Variants in CHRNA4 observed in about 807,000 individuals in gnomAD.
CHRNA4 encodes neuronal acetylcholine receptor subunit alpha-4.
Under a neutral mutation model 48.9 loss-of-function variants are expected in CHRNA4, and 28 were observed. That is an observed-to-expected ratio of 0.57 (90% CI 0.42 to 0.79). CHRNA4 has a LOEUF of 0.79. Among genes scored for constraint, CHRNA4 ranks in the 30% least tolerant of loss-of-function variants. The pLI is 0.00. For missense variants in CHRNA4, 859 were observed against 898.4 expected (o/e 0.96, Z 0.56); for synonymous variants, 425 against 402.3 (o/e 1.06, Z -0.68).
chr20:63,361,310 GGTGCGGCGGC>G lies in CHRNA4; in HGVS notation c.-155_-146del. On this transcript the variant is annotated 5_prime_UTR_variant, in exon 1 of 6. Transcript: ENST00000370263. ...CGGTTCGTCTTCTCCTGTGGGGCGC[GGTGCGGCGGC>G]GGCGCGGCAGGGAGCGCCGGGCTGT... is the stretch of plus-strand genomic sequence containing the variant. 1 of 1,227,316 alleles carries G rather than the reference GGTGCGGCGGC, an allele frequency of 8.1e-7. No homozygotes were observed. Among genetic ancestry groups the G allele is most frequent in the Non-Finnish European group, 1.0e-6 (1 of 986,816 alleles). 76.0% of individuals were successfully genotyped at this position (1,227,316 alleles called of 1,614,324 possible).
In CHRNA4 at chr20:63,346,839, C is replaced by G; in HGVS notation, c.1783G>C (p.Ala595Pro). 3.1e-6 allele frequency: 5 copies of G among 1,612,604 alleles called. No individual in the cohort carries two copies. The highest frequency in any genetic ancestry group is 4.2e-6 in the Non-Finnish European group (5 of 1,179,640). The stretch of plus-strand genomic sequence containing the variant: ...AGGAAGATGCGGTCGATGACCATGG[C>G]CACGTACTTCCAGTCCTCCTTCACC... Reference protein sequence around the residue: ...FSVKEDWKYVAMVIDRIFLWM... With the variant: ...FSVKEDWKYVPMVIDRIFLWM... Residue 595 changes from alanine to proline, a missense_variant, in exon 6 of 6, where the codon GCC (alanine) becomes CCC (proline). By Grantham distance (27) the Ala-to-Pro change is conservative. Around this residue, in one of 3 missense-constraint regions of CHRNA4, gnomAD observed 478 missense variants for 455.4 expected, o/e 1.05. Coordinates refer to ENST00000370263, the MANE Select transcript of CHRNA4 (RefSeq NM_000744.7).
In CHRNA4 at chr20:63,346,580, C is replaced by T. The variant is rs745664670; in HGVS notation, c.*158G>A. The T allele has an allele frequency of 1.7e-5, 18 of 1,069,712 alleles. No homozygotes were observed. In the South Asian group the frequency reaches 2.4e-4, roughly 14 times the overall value. 66.3% of individuals were successfully genotyped at this position (1,069,712 alleles called of 1,614,324 possible). A position where few individuals can be genotyped will look rare whatever the true frequency, so the allele number is the denominator to read the frequency against. The stretch of plus-strand genomic sequence containing the variant: ...GTCTCCCCAGAGGCCGTGTCCCCGT[C>T]CAAGGCCGTCTTACAGCAGACACAG... On this transcript the variant is annotated 3_prime_UTR_variant, in exon 6 of 6. Coordinates refer to ENST00000370263, the MANE Select transcript of CHRNA4 (RefSeq NM_000744.7).
intron 5 of CHRNA4, among the ~76,000 whole-genome samples, chr20:63,347,452 T>G (rs929424182): frequency 1.3e-5 from 2 of 152,208 alleles, no homozygotes; most frequent in African/African-American, 4.8e-5. Context: ...GTTACATATC[T>G]GAACGGGGAC....
intron 5 of CHRNA4, among the ~76,000 whole-genome samples, chr20:63,348,104 T>A (rs1477618134): frequency 6.6e-6 from 1 of 152,136 alleles, no homozygotes; most frequent in Non-Finnish European, 1.5e-5. Context: ...CTTCCCTTTG[T>A]CCCCGAGGTG....
rs79068736 is a variant in CHRNA4, at chr20:63,350,742, G to A, written c.669C>T (p.Tyr223=). Residue 223 remains tyrosine (Y), a synonymous_variant, in exon 5 of 6, where the codon TAC becomes TAT. Coordinates refer to ENST00000370263, the MANE Select transcript of CHRNA4 (RefSeq NM_000744.7). ...CCGGGTAGATCTCGGCACAGCACTC[G>A]TACTTCCTGGTGTTGTAGGTGCCCA... ...DAVGTYNTRK[Y]ECCAEIYPDI... is the part of the protein sequence containing the mutation. The A allele has an allele frequency of 5.0e-5, 79 of 1,575,738 alleles. 2 individuals are homozygous for A. In the South Asian group the frequency reaches 6.1e-4, roughly 12 times the overall value.
intron 2 of CHRNA4, chr20:63,356,656 G>A (rs1223830567): frequency 3.4e-6 from 2 of 590,644 alleles, no homozygotes; most frequent in Admixed American, 2.9e-5. Context: ...AACTGGAGAG[G>A]AGTCGGCGGC....
At chr20:63,353,879 T>C (rs1601485297) in intron 4 of CHRNA4, among the ~76,000 whole-genome samples, 1 of 61,960 alleles carries the variant, frequency 1.6e-5, no homozygotes, top group Non-Finnish European at 3.0e-5. Context: ...GGGGGGACTG[T>C]GGTCCTAGCG....
rs774068256 is a variant in CHRNA4, at chr20:63,343,660, C to T, written c.*3078G>A. 4 of 448,772 alleles carry T rather than the reference C, an allele frequency of 8.9e-6. No homozygotes were observed. The highest frequency in any genetic ancestry group is 3.1e-5 in the South Asian group (2 of 64,164). 27.8% of individuals were successfully genotyped at this position (448,772 alleles called of 1,614,324 possible). Reference sequence around the variant, plus strand: ...CACACGGGAAGCACCCAGGCCGGTCCGGAGGCAGAAGGGGCTGGGAAGCCC... The same window carrying T: ...CACACGGGAAGCACCCAGGCCGGTCTGGAGGCAGAAGGGGCTGGGAAGCCC... On this transcript the variant is annotated 3_prime_UTR_variant, in exon 6 of 6. Transcript: ENST00000370263.
chr20:63,354,963 T>C (rs1305260203), intron 4 of CHRNA4, among the ~76,000 whole-genome samples: 2 of 152,166 alleles, frequency 1.3e-5, no homozygotes, highest in African/African-American at 4.8e-5. Flanking sequence ...CTGCCATTAC[T>C]GGAATCAATT....
chr20:63,350,400 C>T lies in CHRNA4; in HGVS notation c.1011G>A (p.Thr337=), dbSNP rs200803878. 4.3e-5 allele frequency: 69 copies of T among 1,613,724 alleles called. No homozygotes were observed. The East Asian group carries it at 5.3e-4, about 13-fold the overall frequency. ...VLNVHHRSPR[T]HTMPTWVRRV... ...TGCGTACCCAGGTGGGCATGGTGTG[C>T]GTGCGTGGCGAGCGGTGGTGCACGT... is the stretch of plus-strand genomic sequence containing the variant. The change falls in exon 5 of 6, where the codon ACG becomes ACA. Residue 337 remains threonine (T), a synonymous_variant. Coordinates refer to ENST00000370263, the MANE Select transcript of CHRNA4 (RefSeq NM_000744.7).
rs2068817935 is a variant in CHRNA4, at chr20:63,361,311, G to A, written c.-146C>T. On this transcript the variant is annotated 5_prime_UTR_variant, in exon 1 of 6. Coordinates refer to ENST00000370263, the MANE Select transcript of CHRNA4 (RefSeq NM_000744.7). ...GGTTCGTCTTCTCCTGTGGGGCGCG[G>A]TGCGGCGGCGGCGCGGCAGGGAGCG... 4 of 1,216,258 alleles carry A rather than the reference G, an allele frequency of 3.3e-6. No homozygotes were observed. Among genetic ancestry groups the A allele is most frequent in the Non-Finnish European group, 4.1e-6 (4 of 981,560 alleles). 75.3% of individuals were successfully genotyped at this position (1,216,258 alleles called of 1,614,324 possible).
Position 63,346,129 on chromosome 20 carries a change from T to G in CHRNA4, c.*609A>C. ...AGGCTCCTTAGGCACAAGACTTGAG[T>G]TCTCACTAACTTACCCAAAACACAA... On this transcript the variant is annotated 3_prime_UTR_variant, in exon 6 of 6. Transcript: ENST00000370263. 2.2e-6 allele frequency: 1 copy of G among 453,944 alleles called. No homozygotes were observed. The highest frequency in any genetic ancestry group is 1.6e-5 in the South Asian group (1 of 64,466). 28.1% of individuals were successfully genotyped at this position (453,944 alleles called of 1,614,324 possible).
chr20:63,354,599 A>G, intron 4 of CHRNA4: 2 of 179,264 alleles, frequency 1.1e-5, no homozygotes, highest in Non-Finnish European at 1.4e-5. Flanking sequence ...GGGGGGCTGC[A>G]GTACTCGGGG....
At chr20:63,356,496 G>T in intron 2 of CHRNA4, 81 bp from the exon 3 acceptor site, 1 of 1,408,694 alleles carries the variant, frequency 7.1e-7, no homozygotes, top group Non-Finnish European at 9.8e-7. Flanking sequence ...TACAGCCACT[G>T]GCACAAGGAC....
At chr20:63,355,794 C>A in intron 4 of CHRNA4, 181 bp downstream of exon 4, 1 of 940,574 alleles carries the variant, frequency 1.1e-6, no homozygotes, top group Non-Finnish European at 1.6e-6. Context: ...CAACCCACAC[C>A]AATTTCTCCA....
intron 5 of CHRNA4, among the ~76,000 whole-genome samples, chr20:63,347,484 C>T (rs554085663): frequency 5.4e-4 from 82 of 152,324 alleles, no homozygotes; most frequent in African/African-American, 1.9e-3. Context: ...GCTCCAGGTC[C>T]GGCTTCTAAC....
At chr20:63,351,585 G>A (rs916858758) in intron 4 of CHRNA4, among the ~76,000 whole-genome samples, 4 of 152,180 alleles carry the variant, frequency 2.6e-5, no homozygotes, top group South Asian at 2.1e-4. Context: ...AGCTTCTGCC[G>A]TTAACCCCAA....
chr20:63,351,020 C>G lies in CHRNA4; in HGVS notation c.391G>C (p.Gly131Arg). The G allele has an allele frequency of 1.2e-6, 2 of 1,612,680 alleles. No individual in the cohort carries two copies. The highest frequency in any genetic ancestry group is 1.7e-6 in the Non-Finnish European group (2 of 1,179,822). The change falls in exon 5 of 6, where the codon GGG becomes CGG. Residue 131 changes from glycine (G) to arginine (R), a missense_variant. Around this residue, in one of 3 missense-constraint regions of CHRNA4, gnomAD observed 342 missense variants for 365.3 expected, o/e 0.94. Coordinates refer to ENST00000370263, the MANE Select transcript of CHRNA4 (RefSeq NM_000744.7). ...PDIVLYNNADGDFAVTHLTKA... is the reference protein window; with the variant it reads ...PDIVLYNNADRDFAVTHLTKA... ...GTCAGGTGGGTGACCGCGAAGTCCCCGTCAGCACTGGGCAGGAAGAGAGCG... is the reference window on the plus strand; with the variant it reads ...GTCAGGTGGGTGACCGCGAAGTCCCGGTCAGCACTGGGCAGGAAGAGAGCG...
intron 2 of CHRNA4, chr20:63,356,705 A>G (rs984388933): frequency 3.7e-6 from 2 of 535,190 alleles, no homozygotes; most frequent in African/African-American, 3.8e-5. Flanking sequence ...TGTGGCGGGC[A>G]TGGGGAGCCT....
Sources: allele counts gnomAD v4.1 joint callset (sites outside exome capture counted in the v4.1 genomes callset), GRCh38; gene constraint gnomAD v4.1.1; regional missense constraint gnomAD v4.1.1; transcripts MANE v1.5; gene names NCBI Gene and HGNC (gene_info 2026-07-23, HGNC 2026-07-21).